The following CCDC7 variants were observed in gnomAD, a reference collection of about 807,000 sequenced individuals.
CCDC7 encodes the protein coiled-coil domain-containing protein 7.
CCDC7 carries 183 observed loss-of-function variants against 196.9 expected under a neutral mutation model. That is an observed-to-expected ratio of 0.93 (90% CI 0.82 to 1.05). CCDC7 has a LOEUF of 1.05. Among genes scored for constraint, CCDC7 ranks in the 50% least tolerant of loss-of-function variants. The pLI, the probability that CCDC7 is intolerant of heterozygous loss-of-function variation, is 0.00. For missense variants in CCDC7, 1,540 were observed against 1,482.2 expected (o/e 1.04, Z -0.64); for synonymous variants, 525 against 484.6 (o/e 1.08, Z -1.10).
chr10:32,802,487 A>G (rs777869002), intron 29 of CCDC7, among the ~76,000 whole-genome samples: 1 of 152,208 alleles, frequency 6.6e-6, no homozygotes, highest in African/African-American at 2.4e-5. Context: ...TAAATACTCC[A>G]TCCTTAAAAT....
intron 21 of CCDC7, among the ~76,000 whole-genome samples, chr10:32,677,330 C>T (rs570067693): frequency 6.6e-6 from 1 of 151,022 alleles, no homozygotes; most frequent in African/African-American, 2.4e-5. Flanking sequence ...CTAACCTGCA[C>T]ATTGTGCACA....
intron 7 of CCDC7, among the ~76,000 whole-genome samples, chr10:32,473,366 G>C (rs2038341246): frequency 6.6e-6 from 1 of 152,140 alleles, no homozygotes; most frequent in Non-Finnish European, 1.5e-5. Flanking sequence ...CAACTGGATT[G>C]GTATTAGAGT....
intron 6 of CCDC7, 36 bp from the exon 8 acceptor site, chr10:32,472,445 A>G (rs201813916): frequency 2.0e-6 from 3 of 1,530,412 alleles, no homozygotes; most frequent in East Asian, 2.4e-5. Flanking sequence ...ACTCTTTGAT[A>G]TATTAAAAAA....
chr10:32,558,572 T>C (rs2054755736), intron 13 of CCDC7, among the ~76,000 whole-genome samples: 1 of 152,296 alleles, frequency 6.6e-6, no homozygotes, highest in African/African-American at 2.4e-5. Flanking sequence ...GCACCTTGAA[T>C]GGCTCAGATA....
intron 24 of CCDC7, among the ~76,000 whole-genome samples, chr10:32,700,617 T>G (rs1323388409): frequency 6.6e-6 from 1 of 152,206 alleles, no homozygotes; most frequent in Non-Finnish European, 1.5e-5. Flanking sequence ...TAGATGGGGA[T>G]GGCATTGAAT....
At chr10:32,759,971 G>A (rs1313968264) in intron 28 of CCDC7, among the ~76,000 whole-genome samples, 1 of 152,050 alleles carries the variant, frequency 6.6e-6, no homozygotes, top group African/African-American at 2.4e-5. Flanking sequence ...AGACATTTAT[G>A]CAGCCAAAAA....
chr10:32,486,784 G>T (rs1372170283), intron 8 of CCDC7, among the ~76,000 whole-genome samples: 1 of 150,784 alleles, frequency 6.6e-6, no homozygotes, highest in South Asian at 2.1e-4. Flanking sequence ...ATTCTGGGTT[G>T]AAAATTCTTT....
chr10:32,655,982 ATCT>A lies in CCDC7; in HGVS notation c.2015-8068_2015-8066del, dbSNP rs557022397. Among the ~76,000 whole-genome samples, 15 of 152,290 alleles carry A rather than the reference ATCT, an allele frequency of 9.8e-5. 1 individual carries two copies. In the South Asian group the frequency reaches 2.5e-3, roughly 25 times the overall value. ...CTTATCAGATCTATAGTTTGCAAAC[ATCT>A]TCTCCCATTCTGTAGGTTGTCTCTT... On this transcript the variant is annotated intron_variant, in intron 20 of 41. Coordinates refer to ENST00000639629, the Ensembl canonical transcript of CCDC7.
chr10:32,694,392 A>G lies in CCDC7; in HGVS notation c.2345-487A>G, dbSNP rs556608732. 7.2e-4 allele frequency among the ~76,000 whole-genome samples: 110 copies of G among 152,338 alleles called. 1 individual carries two copies. The highest frequency in any genetic ancestry group is 3.4e-3 in the Middle Eastern group (1 of 294). ...AACTCTTGTTTATGTCAATTTGCCT[A>G]CGGCAAAATGGGTTTCATTATGTGT... On this transcript the variant is annotated intron_variant, in intron 23 of 41. Coordinates refer to ENST00000639629, the Ensembl canonical transcript of CCDC7.
chr10:32,765,296 C>T (rs1012004424), intron 28 of CCDC7, among the ~76,000 whole-genome samples: 2 of 151,868 alleles, frequency 1.3e-5, no homozygotes, highest in African/African-American at 4.8e-5. Context: ...TGGACAGTGC[C>T]TCTGAACTGA....
chr10:32,521,254 A>G (rs938082245), intron 11 of CCDC7, among the ~76,000 whole-genome samples: 1 of 152,152 alleles, frequency 6.6e-6, no homozygotes, highest in African/African-American at 2.4e-5. Flanking sequence ...TTCTGTGAAG[A>G]ATATCATTGA....
At chr10:32,729,358 G>C (rs780090041) in exon 28 of CCDC7, 1 of 1,561,790 alleles carries the variant, frequency 6.4e-7, no homozygotes, top group Non-Finnish European at 8.7e-7. Flanking sequence ...CAAAAAAAAG[G>C]ATATATCACT....
chr10:32,839,191 A>G lies in CCDC7; in HGVS notation c.3352+4293A>G, dbSNP rs966641416. 2.0e-5 allele frequency among the ~76,000 whole-genome samples: 3 copies of G among 152,044 alleles called. No individual in the cohort carries two copies. In the East Asian group the frequency reaches 5.8e-4, roughly 29 times the overall value. On this transcript the variant is annotated intron_variant, in intron 33 of 41. Transcript: ENST00000639629. ...AAATGCTGCACTTAAAAGATACAGA[A>G]TGGCAGAATAGATAAGAATAGATAC...
At chr10:32,673,653 A>ATG (rs772678414) in intron 21 of CCDC7, among the ~76,000 whole-genome samples, 48,779 of 120,502 alleles carry the variant, frequency 0.4, 9,313 homozygotes, top group Non-Finnish European at 0.48. Flanking sequence ...ACCATTGTGC[A>ATG]CGTGTGTGTG....
intron 18 of CCDC7, among the ~76,000 whole-genome samples, chr10:32,593,169 T>C (rs1381521939): frequency 6.6e-6 from 1 of 152,204 alleles, no homozygotes; most frequent in African/African-American, 2.4e-5. Flanking sequence ...CCACCAACAG[T>C]GTAAAAGCAT....
chr10:32,853,024 A>G (rs1436511407), intron 40 of CCDC7, among the ~76,000 whole-genome samples: 1 of 152,202 alleles, frequency 6.6e-6, no homozygotes, highest in East Asian at 1.9e-4. Context: ...AGCTTTTTAT[A>G]GCTTCTCAAG....
intron 39 of CCDC7, among the ~76,000 whole-genome samples, chr10:32,849,121 T>TC (rs1210430875): frequency 6.6e-6 from 1 of 151,938 alleles, no homozygotes; most frequent in African/African-American, 2.4e-5. Context: ...TTTGTTTTTT[T>TC]TTTTTCATTT....
downstream of CCDC7, chr10:32,876,570 A>T (rs533107821): frequency 4.1e-4 from 207 of 502,226 alleles, 1 homozygote; most frequent in Middle Eastern, 0.011. Context: ...AGAAGGCCTG[A>T]CCAGGCAGTG....
chr10:32,870,918 A>G (rs537831199), intron 41 of CCDC7, among the ~76,000 whole-genome samples: 61 of 152,258 alleles, frequency 4.0e-4, no homozygotes, highest in African/African-American at 1.2e-3. Flanking sequence ...CGTATGTTGA[A>G]CCAGCCTTGC....
Sources: gnomAD v4.1 joint callset for allele counts (sites outside exome capture counted in the v4.1 genomes callset) on GRCh38, gnomAD v4.1.1 for gene constraint, MANE v1.5 for transcripts, NCBI Gene and HGNC (gene_info 2026-07-23, HGNC 2026-07-21) for gene names.